DMXL1: variants seen among roughly 807,000 people sequenced by gnomAD.
DMXL1 encodes the protein Dmx like 1.
DMXL1 carries 99 observed loss-of-function variants against 319.2 expected under a neutral mutation model. The observed-to-expected ratio is 0.31, with a 90% confidence interval of 0.26 to 0.37. The LOEUF (loss-of-function observed/expected upper bound fraction) is 0.37, where lower values mean the gene tolerates loss of function less well. Ranked by LOEUF, DMXL1 falls within the 10% of genes least tolerant of loss-of-function variation. DMXL1 has a pLI of 1.00. For synonymous variants in DMXL1, 1,385 were observed against 1,235.2 expected (o/e 1.12, Z -2.54); for missense variants, 3,745 against 3,595.6 (o/e 1.04, Z -1.06).
intron 13 of DMXL1, among the ~76,000 whole-genome samples, chr5:119,142,838 A>G (rs1465123863): frequency 6.6e-6 from 1 of 152,136 alleles, no homozygotes; most frequent in Admixed American, 6.5e-5. Flanking sequence ...CATACACATG[A>G]TGGAATACTG....
intron 20 of DMXL1, 145 bp downstream of exon 20, chr5:119,164,821 CGT>C (rs1773068125): frequency 3.0e-6 from 2 of 660,730 alleles, no homozygotes; most frequent in African/African-American, 3.7e-5. Flanking sequence ...TCATTTATAA[CGT>C]GTTTCAAAAT....
chr5:119,117,198 T>C (rs981519730), intron 7 of DMXL1, among the ~76,000 whole-genome samples: 1 of 152,072 alleles, frequency 6.6e-6, no homozygotes, highest in Non-Finnish European at 1.5e-5. Context: ...TGGGCTAATA[T>C]ATTTTTTTCT....
At chr5:119,090,156 G>A (rs973378860) in intron 1 of DMXL1, among the ~76,000 whole-genome samples, 9 of 150,330 alleles carry the variant, frequency 6.0e-5, no homozygotes, top group African/African-American at 2.0e-4. Context: ...GAGTAGCTGG[G>A]ATTATAGGCG....
Position 119,246,988 on chromosome 5 carries a change from C to G in DMXL1, c.8923-7C>G, listed in dbSNP as rs1789920387. On this transcript the variant is annotated splice_region_variant and splice_polypyrimidine_tract_variant and intron_variant, in intron 43 of 43. Coordinates refer to ENST00000539542, the MANE Select transcript of DMXL1 (RefSeq NM_001290321.3). Reference sequence around the variant, plus strand: ...CTAATTTTCCGTTTGTTCTTAATATCTTTCAGATTTGGAGTCTCTCTACCT... The same window carrying G: ...CTAATTTTCCGTTTGTTCTTAATATGTTTCAGATTTGGAGTCTCTCTACCT... 6.3e-7 allele frequency: 1 copy of G among 1,587,254 alleles called. No homozygotes were observed. Among genetic ancestry groups the G allele is most frequent in the Non-Finnish European group, 8.6e-7 (1 of 1,163,580 alleles).
At chr5:119,236,051 C>T (rs559046993) in intron 39 of DMXL1, among the ~76,000 whole-genome samples, 1 of 151,478 alleles carries the variant, frequency 6.6e-6, no homozygotes, top group African/African-American at 2.4e-5. Context: ...TTAGTCATAT[C>T]AGTTAAATTT....
Position 119,189,837 on chromosome 5 carries a change from A to G in DMXL1, c.7265A>G (p.Glu2422Gly), listed in dbSNP as rs1451641441. ...PVSQESLAVKEKFIPPELSIW... is the reference protein window; with the variant it reads ...PVSQESLAVKGKFIPPELSIW... ...AGCCAGGAGTCACTGGCGGTTAAAGAAAAGTTCATCCCACCTGAGCTCAGT... is the reference window on the plus strand; with the variant it reads ...AGCCAGGAGTCACTGGCGGTTAAAGGAAAGTTCATCCCACCTGAGCTCAGT... The change falls in exon 29 of 44, where the codon GAA becomes GGA. Residue 2422 changes from glutamate (E) to glycine (G), a missense_variant. Around this residue, in one of 4 missense-constraint regions of DMXL1, gnomAD observed 1,382 missense variants for 1,269.5 expected, o/e 1.09. Transcript: ENST00000539542. The G allele has an allele frequency of 2.5e-6, 4 of 1,613,954 alleles. No homozygotes were observed. Among genetic ancestry groups the G allele is most frequent in the Non-Finnish European group, 3.4e-6 (4 of 1,179,974 alleles).
At chr5:119,164,311 A>G (rs1456894203) in intron 19 of DMXL1, among the ~76,000 whole-genome samples, 196 bp from the exon 20 acceptor site, 1 of 152,192 alleles carries the variant, frequency 6.6e-6, no homozygotes, top group Non-Finnish European at 1.5e-5. Flanking sequence ...CTATTTTTGC[A>G]AAACATATAT....
intron 33 of DMXL1, chr5:119,206,600 A>C (rs1781787150): frequency 3.2e-6 from 1 of 308,728 alleles, no homozygotes; most frequent in Non-Finnish European, 5.9e-6. Flanking sequence ...GGTTAGAATA[A>C]AATTTATAGT....
chr5:119,211,460 AGT>A (rs759174142), intron 34 of DMXL1, among the ~76,000 whole-genome samples: 9 of 152,134 alleles, frequency 5.9e-5, no homozygotes, highest in Non-Finnish European at 1.3e-4. Flanking sequence ...TCTTTCAAGA[AGT>A]GTACATTTCA....
chr5:119,127,924 TA>T, intron 9 of DMXL1: 1 of 372,418 alleles, frequency 2.7e-6, no homozygotes, highest in Admixed American at 3.5e-5. Flanking sequence ...AAAAGCTTCA[TA>T]AACTTAGTAT....
chr5:119,189,129 C>G (rs1778266302), intron 28 of DMXL1, among the ~76,000 whole-genome samples: 1 of 152,094 alleles, frequency 6.6e-6, no homozygotes. Flanking sequence ...AGAGTGTTCA[C>G]AAAATAAAAC....
At chr5:119,238,644 C>A (rs1269564886) in intron 40 of DMXL1, among the ~76,000 whole-genome samples, 2 of 152,114 alleles carry the variant, frequency 1.3e-5, no homozygotes, top group African/African-American at 4.8e-5. Flanking sequence ...TTCCTTTGAA[C>A]TTTTGGTTGA....
At chr5:119,110,062 A>G (rs1759235481) in intron 4 of DMXL1, 89 bp from the exon 5 acceptor site, 1 of 1,252,410 alleles carries the variant, frequency 8.0e-7, no homozygotes, top group African/African-American at 1.6e-5. Context: ...ACTTTTTTTT[A>G]GAAGTTGTTT....
chr5:119,229,745 A>G (rs1387740934), intron 38 of DMXL1, among the ~76,000 whole-genome samples: 1 of 152,196 alleles, frequency 6.6e-6, no homozygotes, highest in Non-Finnish European at 1.5e-5. Context: ...AACTGTTAGT[A>G]ATGTTAGTTT....
intron 28 of DMXL1, 50 bp from the exon 29 acceptor site, chr5:119,189,658 A>G (rs1581227796): frequency 6.4e-7 from 1 of 1,552,288 alleles, no homozygotes; most frequent in African/African-American, 1.4e-5. Context: ...CAGGTGAAAT[A>G]AATGCAATGA....
chr5:119,120,833 T>C (rs1761880145), intron 8 of DMXL1, 138 bp from the exon 9 acceptor site: 1 of 581,762 alleles, frequency 1.7e-6, no homozygotes, highest in Admixed American at 3.8e-5. Context: ...ACATATAAAA[T>C]GTTAAAAGGC....
At chr5:119,183,530 T>C (rs1777149987) in intron 28 of DMXL1, among the ~76,000 whole-genome samples, 1 of 152,218 alleles carries the variant, frequency 6.6e-6, no homozygotes, top group Admixed American at 6.5e-5. Flanking sequence ...TGGAGTGCAG[T>C]GGCGTGATCT....
chr5:119,119,883 TTTG>T (rs1381449196), intron 8 of DMXL1, among the ~76,000 whole-genome samples: 2 of 151,608 alleles, frequency 1.3e-5, no homozygotes, highest in East Asian at 1.9e-4. Context: ...GGGGAGTTGT[TTTG>T]TTGTTGTTTT....
chr5:119,231,425 A>G (rs1286260778), intron 38 of DMXL1, among the ~76,000 whole-genome samples: 1 of 152,140 alleles, frequency 6.6e-6, no homozygotes, highest in Non-Finnish European at 1.5e-5. Context: ...CCTGATCTGA[A>G]TGAAAAATGC....
Sources: gnomAD v4.1 joint callset for allele counts (sites outside exome capture counted in the v4.1 genomes callset) on GRCh38, gnomAD v4.1.1 for gene constraint, gnomAD v4.1.1 regional missense constraint, MANE v1.5 for transcripts, NCBI Gene and HGNC (gene_info 2026-07-23, HGNC 2026-07-21) for gene names.